DMXL1: variants seen among roughly 807,000 people sequenced by gnomAD.
The protein encoded by DMXL1 is Dmx like 1, also known as dmX-like protein 1.
A neutral mutation model predicts 319.2 loss-of-function variants in DMXL1; 99 were observed. The observed-to-expected ratio is 0.31, with a 90% confidence interval of 0.26 to 0.37. DMXL1 has a LOEUF of 0.37. DMXL1 is among the 10% of genes least tolerant of loss of function. The probability of loss-of-function intolerance (pLI) is 1.00; values close to 1 mark genes in which losing one functional copy is unlikely to be tolerated. For synonymous variants in DMXL1, 1,385 were observed against 1,235.2 expected, an observed-to-expected ratio of 1.12 and a Z score of -2.54; for missense variants, 3,745 against 3,595.6, an observed-to-expected ratio of 1.04 and a Z score of -1.06.
intron 1 of DMXL1, among the ~76,000 whole-genome samples, chr5:119,080,052 G>A (rs1751842336): frequency 2.0e-5 from 3 of 152,094 alleles, no homozygotes; most frequent in Admixed American, 2.0e-4. Context: ...ACTTGAAGTT[G>A]CTACAAATAA....
intron 30 of DMXL1, 99 bp from the exon 31 acceptor site, chr5:119,196,272 G>T: frequency 1.1e-6 from 1 of 897,456 alleles, no homozygotes; most frequent in Non-Finnish European, 1.9e-6. Context: ...GTATGTTCAG[G>T]TTGATTCCTG....
chr5:119,221,423 GTATACATTTTAGTGAAATGGTT>G (rs1257431493), intron 37 of DMXL1, among the ~76,000 whole-genome samples: 3 of 152,102 alleles, frequency 2.0e-5, no homozygotes, highest in Non-Finnish European at 4.4e-5. Context: ...TAAGAATGGT[GTATACATTTTAGTGAAATGGTT>G]TATACATTGT....
chr5:119,172,759 A>G (rs1336971456), intron 25 of DMXL1, among the ~76,000 whole-genome samples: 1 of 151,870 alleles, frequency 6.6e-6, no homozygotes, highest in African/African-American at 2.4e-5. Context: ...ATAGTCTATC[A>G]TGTAGCTCTC....
chr5:119,200,341 G>C (rs1272969005), intron 32 of DMXL1, among the ~76,000 whole-genome samples: 2 of 152,036 alleles, frequency 1.3e-5, no homozygotes, highest in Non-Finnish European at 2.9e-5. Flanking sequence ...GTCTTTTCTT[G>C]ATTGCTTGTT....
chr5:119,202,889 A>ATATATATATATATATTTATATATTTT (rs1554139474), intron 32 of DMXL1, among the ~76,000 whole-genome samples: 1 of 141,440 alleles, frequency 7.1e-6, no homozygotes, highest in African/African-American at 2.6e-5. Flanking sequence ...ATATTTTTAT[A>ATATATATATATATATTTATATATTTT]TATATATATA....
intron 32 of DMXL1, 140 bp from the exon 33 acceptor site, chr5:119,203,179 G>C: frequency 1.9e-6 from 1 of 520,050 alleles, no homozygotes; most frequent in Middle Eastern, 3.0e-4. Context: ...TTAAGGAAAA[G>C]GTTGGCCATA....
intron 37 of DMXL1, 23 bp from the exon 38 acceptor site, chr5:119,224,686 A>C (rs763876269): frequency 1.0e-6 from 1 of 984,456 alleles, no homozygotes; most frequent in Non-Finnish European, 1.4e-6. Context: ...TATGCCTATA[A>C]AATAATTTTT....
chr5:119,237,830 T>C (rs1054859179), intron 40 of DMXL1, among the ~76,000 whole-genome samples: 28 of 152,110 alleles, frequency 1.8e-4, no homozygotes, highest in African/African-American at 6.8e-4. Flanking sequence ...TGTTATTTTC[T>C]TGTTCATCTC....
At chr5:119,241,119 G>A (rs936472690) in intron 42 of DMXL1, among the ~76,000 whole-genome samples, 3 of 152,054 alleles carry the variant, frequency 2.0e-5, no homozygotes, top group Admixed American at 2.0e-4. Context: ...CACATATTTT[G>A]TATATGTGTT....
rs139668531 is a variant in DMXL1, at chr5:119,171,186, T to C, written c.6395T>C (p.Met2132Thr). 1 of 1,613,982 alleles carries C rather than the reference T, an allele frequency of 6.2e-7. No individual in the cohort carries two copies. Among genetic ancestry groups the C allele is most frequent in the Non-Finnish European group, 8.5e-7 (1 of 1,179,882 alleles). The change falls in exon 24 of 44, where the codon ATG (methionine) becomes ACG (threonine). Residue 2132 changes from methionine (M) to threonine (T), a missense_variant. Met to Thr is a moderately conservative substitution (Grantham distance 81, BLOSUM62 -1). Coordinates refer to ENST00000539542, the MANE Select transcript of DMXL1 (RefSeq NM_001290321.3). ...WLLKYQSLLR[M>T]FLSYCILHGS... ...TTGAAGTATCAGTCACTTTTGAGAA[T>C]GTTTCTTAGTTACTGCATACTTCAT...
At chr5:119,158,303 C>T (rs908646748) in intron 19 of DMXL1, among the ~76,000 whole-genome samples, 1 of 151,564 alleles carries the variant, frequency 6.6e-6, no homozygotes, top group African/African-American at 2.4e-5. Flanking sequence ...ATGGAAATGC[C>T]ACTGCTTTTT....
intron 1 of DMXL1, 144 bp downstream of exon 1, chr5:119,071,800 C>G (rs955518387): frequency 6.1e-6 from 4 of 657,918 alleles, no homozygotes; most frequent in Admixed American, 3.1e-5. Flanking sequence ...GCAGACCTGG[C>G]CCTTGAGAAC....
intron 37 of DMXL1, among the ~76,000 whole-genome samples, chr5:119,223,284 T>A (rs968271849): frequency 6.6e-6 from 1 of 152,124 alleles, no homozygotes; most frequent in Non-Finnish European, 1.5e-5. Flanking sequence ...CTTGAACTCC[T>A]GGCCTCAAGT....
chr5:119,203,575 T>C (rs1482074090), intron 33 of DMXL1, 139 bp downstream of exon 33: 2 of 364,008 alleles, frequency 5.5e-6, no homozygotes, highest in Non-Finnish European at 1.0e-5. Flanking sequence ...CTTAGAACAG[T>C]GTAATTTATA....
intron 1 of DMXL1, among the ~76,000 whole-genome samples, chr5:119,081,198 G>A (rs35869323): frequency 1.4e-3 from 220 of 152,218 alleles, no homozygotes; most frequent in Non-Finnish European, 2.0e-3. Context: ...GTCTGTTCTG[G>A]GCAAGGCAAA....
chr5:119,127,895 G>T, intron 9 of DMXL1: 1 of 356,804 alleles, frequency 2.8e-6, no homozygotes, highest in Non-Finnish European at 5.7e-6. Context: ...AAGTGGGAAT[G>T]ATATTCACTT....
chr5:119,094,569 A>C (rs1185611302), intron 1 of DMXL1, among the ~76,000 whole-genome samples: 1 of 152,256 alleles, frequency 6.6e-6, no homozygotes, highest in Non-Finnish European at 1.5e-5. Context: ...TCCATGAACC[A>C]AGAAATGCTT....
chr5:119,156,273 A>T (rs535185565), intron 19 of DMXL1, among the ~76,000 whole-genome samples: 1 of 152,218 alleles, frequency 6.6e-6, no homozygotes, highest in African/African-American at 2.4e-5. Context: ...TTTAGCAATG[A>T]TGTATTTTTT....
At position 119,203,370 on chromosome 5, in the gene DMXL1, G is replaced by A. The variant is rs749427603; in HGVS notation, c.7797G>A (p.Val2599=). 3.1e-6 allele frequency: 5 copies of A among 1,607,680 alleles called. No homozygotes were observed. The highest frequency in any genetic ancestry group is 1.3e-5 in the African/African-American group (1 of 74,794). ...TGAAGAGGCTTTGGCAGTATTTGGT[G>A]AAGCAGGAAGAAATTCAGGAAACCT... ...LSVKRLWQYL[V]KQEEIQETFI... The change falls in exon 33 of 44, where the codon GTG becomes GTA. Residue 2599 remains valine, a synonymous_variant. Transcript: ENST00000539542.
Sources: gnomAD v4.1 joint callset for allele counts (sites outside exome capture counted in the v4.1 genomes callset) on GRCh38, gnomAD v4.1.1 for gene constraint, MANE v1.5 for transcripts, NCBI Gene and HGNC (gene_info 2026-07-23, HGNC 2026-07-21) for gene names.